The following ADGRG1 variants were observed in gnomAD, a reference collection of about 807,000 sequenced individuals.
The protein encoded by ADGRG1 is 7-transmembrane protein with no EGF-like N-terminal domains-1.
ADGRG1 carries 53 observed loss-of-function variants against 73.5 expected under a neutral mutation model. The observed-to-expected ratio is 0.72, with a 90% CI of 0.58 to 0.91. The LOEUF is 0.91. ADGRG1 is among the 40% of genes least tolerant of loss of function. ADGRG1 has a pLI of 0.00. For synonymous variants in ADGRG1, 394 were observed against 374.4 expected (o/e 1.05, Z -0.60); for missense variants, 795 against 871.8 (o/e 0.91, Z 1.11).
chr16:57,627,044 C>G, upstream of ADGRG1: 1 of 984,078 alleles, frequency 1.0e-6, no homozygotes, highest in Non-Finnish European at 1.2e-6. Flanking sequence ...ACAGCCTGGA[C>G]TGGGGACTGT....
intron 1 of ADGRG1, chr16:57,634,104 C>G: frequency 1.0e-6 from 1 of 985,462 alleles, no homozygotes; most frequent in Non-Finnish European, 1.2e-6. Context: ...GAGCTGGTTT[C>G]CTGGGACAGA....
At chr16:57,630,542 G>A in intron 1 of ADGRG1, 1 of 985,298 alleles carries the variant, frequency 1.0e-6, no homozygotes. Context: ...GAGAGTGTCG[G>A]GTGATGGAGA....
At position 57,651,208 on chromosome 16, in the gene ADGRG1, G is replaced by A. The variant is rs746514384; in HGVS notation, c.73G>A (p.Gly25Ser). The part of the protein sequence containing the change: ...SLLFLVQGAH[G>S]RGHREDFRFC... ...AGCCTCTGCCTCCTCAGGTGCCCAC[G>A]GCAGGGGCCACAGGGAAGACTTTCG... The change falls in exon 3 of 14, where the codon GGC (glycine) becomes AGC (serine). Residue 25 changes from glycine to serine, a missense_variant. Physicochemically the swap from Gly to Ser is moderately conservative, Grantham distance 56. Transcript: ENST00000562631. The A allele has an allele frequency of 1.4e-5, 23 of 1,614,032 alleles. No homozygotes were observed. The highest frequency in any genetic ancestry group is 1.8e-5 in the Non-Finnish European group (21 of 1,180,024).
chr16:57,626,701 C>T (rs1037367882), upstream of ADGRG1: 18 of 984,958 alleles, frequency 1.8e-5, no homozygotes, highest in African/African-American at 1.4e-4. Flanking sequence ...CTGGTCAGCA[C>T]GCTCTGTGGG....
intron 1 of ADGRG1, chr16:57,632,419 A>G (rs2038208115): frequency 7.2e-6 from 5 of 694,318 alleles, no homozygotes; most frequent in Non-Finnish European, 8.9e-6. Context: ...TTCAGAGGCT[A>G]TTATGAGCAT....
At chr16:57,648,648 C>A in intron 1 of ADGRG1, 12 of 983,974 alleles carry the variant, frequency 1.2e-5, no homozygotes, top group Non-Finnish European at 1.4e-5. Flanking sequence ...CCTGAAAGTC[C>A]TCCTTGGTTT....
intron 1 of ADGRG1, among the ~76,000 whole-genome samples, chr16:57,644,620 G>GCA: frequency 9.0e-6 from 1 of 111,062 alleles, no homozygotes; most frequent in South Asian, 3.1e-4. Flanking sequence ...ACACCCATGC[G>GCA]CACACACATG....
At chr16:57,640,836 T>C in intron 1 of ADGRG1, 1 of 968,382 alleles carries the variant, frequency 1.0e-6, no homozygotes, top group Non-Finnish European at 1.2e-6. Context: ...TGTCCTGCGC[T>C]CCAAAGATGG....
At chr16:57,653,476 C>T (rs1479469946) in intron 4 of ADGRG1, 141 bp downstream of exon 4, 1 of 1,487,734 alleles carries the variant, frequency 6.7e-7, no homozygotes, top group Non-Finnish European at 8.9e-7. Flanking sequence ...TTTCTGCCTT[C>T]TGGGAGTCAA....
At chr16:57,654,497 A>T (rs895471854) in intron 5 of ADGRG1, among the ~76,000 whole-genome samples, 1 of 142,964 alleles carries the variant, frequency 7.0e-6, no homozygotes, top group Non-Finnish European at 1.5e-5. Context: ...GTCTCACTGC[A>T]GCCTCAAACT....
At chr16:57,637,575 G>C (rs774363741) in intron 1 of ADGRG1, 6 of 985,312 alleles carry the variant, frequency 6.1e-6, no homozygotes, top group South Asian at 9.4e-5. Context: ...GAGCCTTTCC[G>C]GGAGAAGGTT....
intron 1 of ADGRG1, chr16:57,645,063 GCA>G (rs2042240531): frequency 5.1e-6 from 5 of 984,710 alleles, no homozygotes; most frequent in Non-Finnish European, 6.0e-6. Flanking sequence ...TCATGCACAC[GCA>G]CACACACCCA....
At chr16:57,633,487 C>T in intron 1 of ADGRG1, 6 of 985,384 alleles carry the variant, frequency 6.1e-6, no homozygotes, top group Non-Finnish European at 7.2e-6. Flanking sequence ...CAGACCTTTG[C>T]TTTTCCATCC....
At chr16:57,662,704 G>A (rs1196511681) in intron 13 of ADGRG1, among the ~76,000 whole-genome samples, 3 of 152,124 alleles carry the variant, frequency 2.0e-5, no homozygotes, top group Non-Finnish European at 4.4e-5. Flanking sequence ...TCGGGGCGGA[G>A]AGGTGGGATC....
Position 57,656,089 on chromosome 16 carries a change from G to A in ADGRG1, c.1017+97G>A, listed in dbSNP as rs1597567286. 1.5e-5 allele frequency: 24 copies of A among 1,613,136 alleles called. No individual in the cohort carries two copies. In the East Asian group the frequency reaches 2.7e-4, roughly 18 times the overall value. On this transcript the variant is annotated intron_variant, in intron 7 of 13. Transcript: ENST00000562631. Reference sequence around the variant, plus strand: ...GACTCATTTGTCTTTATAATGAAACGATTGCCTGATCGAGCAGTCAGGTCC... The same window carrying A: ...GACTCATTTGTCTTTATAATGAAACAATTGCCTGATCGAGCAGTCAGGTCC...
intron 2 of ADGRG1, 26 bp downstream of exon 2, chr16:57,650,377 G>C (rs2043737429): frequency 6.2e-7 from 1 of 1,607,602 alleles, no homozygotes; most frequent in African/African-American, 1.3e-5. Flanking sequence ...GGTGCCCTGG[G>C]CTGTTGGAAC....
Position 57,630,791 on chromosome 16 carries a change from G to A in ADGRG1, c.-36+1989G>A, listed in dbSNP as rs74341530. On this transcript the variant is annotated intron_variant, in intron 1 of 13. Coordinates refer to ENST00000562631, the MANE Select transcript of ADGRG1 (RefSeq NM_201525.4). ...GGCTGGGCTTGGGAGAAGGTGGGAG[G>A]GGAAGGGACTGATGTCTGTATGAGC... 6.6e-3 allele frequency among the ~76,000 whole-genome samples: 1,012 copies of A among 152,336 alleles called. 11 individuals are homozygous for A. The highest frequency in any genetic ancestry group is 0.023 in the African/African-American group (973 of 41,566).
chr16:57,629,594 G>A (rs575554041), intron 1 of ADGRG1: 1 of 152,354 alleles, frequency 6.6e-6, no homozygotes, highest in East Asian at 1.9e-4. Flanking sequence ...GCAAGGGACA[G>A]CCGTGCTCTT....
intron 2 of ADGRG1, 144 bp downstream of exon 2, chr16:57,650,495 C>G (rs1020757519): frequency 1.4e-6 from 2 of 1,469,418 alleles, no homozygotes; most frequent in Non-Finnish European, 1.9e-6. Context: ...AAGCAAAAGA[C>G]ACTCCTTCCT....
Sources: allele counts gnomAD v4.1 joint callset (sites outside exome capture counted in the v4.1 genomes callset), GRCh38; gene constraint gnomAD v4.1.1; transcripts MANE v1.5; gene names NCBI Gene and HGNC (gene_info 2026-07-23, HGNC 2026-07-21).